CSMD3: variants seen among roughly 807,000 people sequenced by gnomAD.
CSMD3 encodes CUB and Sushi multiple domains 3.
A neutral mutation model predicts 435.2 loss-of-function variants in CSMD3; 177 were observed. The ratio of observed to expected loss-of-function variants is 0.41; its 90% CI spans 0.36 to 0.46. The LOEUF is 0.46. CSMD3 is among the 20% of genes least tolerant of loss of function. The probability of loss-of-function intolerance (pLI) is 0.34; values close to 1 mark genes in which losing one functional copy is unlikely to be tolerated. For missense variants in CSMD3, 4,265 were observed against 4,504.6 expected (o/e 0.95, Z 1.52); for synonymous variants, 1,656 against 1,520.5 (o/e 1.09, Z -2.07).
At position 112,859,174 on chromosome 8, in the gene CSMD3, A is replaced by T. The variant is rs2129857495; in HGVS notation, c.1726T>A (p.Trp576Arg). ...FQYDSNAQCV[W>R]VITAVNTNKV... The stretch of plus-strand genomic sequence containing the variant: ...TTTGTATTCACTGCTGTGATGACCC[A>T]GACACATTGTGCATTGCTGTCATAC... The change falls in exon 11 of 71, where the codon TGG (tryptophan) becomes AGG (arginine). Residue 576 changes from tryptophan (W) to arginine (R), a missense_variant. By Grantham distance (101) the Trp-to-Arg change is moderately radical (BLOSUM62 -3). Coordinates refer to ENST00000297405, the MANE Select transcript of CSMD3 (RefSeq NM_198123.2). 6.2e-7 allele frequency: 1 copy of T among 1,611,206 alleles called. No individual in the cohort carries two copies. Among genetic ancestry groups the T allele is most frequent in the Non-Finnish European group, 8.5e-7 (1 of 1,177,750 alleles).
intron 10 of CSMD3, among the ~76,000 whole-genome samples, chr8:112,869,373 A>G (rs530067556): frequency 6.6e-6 from 1 of 152,254 alleles, no homozygotes; most frequent in South Asian, 2.1e-4. Context: ...GGAATCTATG[A>G]CCCCAAAATA....
At chr8:112,909,245 T>G (rs1020171214) in intron 10 of CSMD3, among the ~76,000 whole-genome samples, 7 of 151,566 alleles carry the variant, frequency 4.6e-5, no homozygotes, top group Non-Finnish European at 1.0e-4. Flanking sequence ...CCAAATTGGT[T>G]CAGAGCATCG....
chr8:112,314,931 C>A (rs1437188841), intron 47 of CSMD3, among the ~76,000 whole-genome samples: 1 of 151,868 alleles, frequency 6.6e-6, no homozygotes, highest in Non-Finnish European at 1.5e-5. Context: ...CTCTCCTAAT[C>A]TTTTGTTCTC....
intron 13 of CSMD3, among the ~76,000 whole-genome samples, chr8:112,715,715 G>C (rs1240405160): frequency 6.6e-6 from 1 of 152,150 alleles, no homozygotes; most frequent in Non-Finnish European, 1.5e-5. Flanking sequence ...ACATCAAAAA[G>C]CGTATCCACC....
intron 13 of CSMD3, among the ~76,000 whole-genome samples, chr8:112,744,325 C>G (rs929180062): frequency 2.6e-5 from 4 of 151,952 alleles, no homozygotes; most frequent in South Asian, 4.1e-4. Flanking sequence ...AATTCCCATG[C>G]CATTTCTGGA....
chr8:112,882,232 CCTTTT>C lies in CSMD3; in HGVS notation c.1634-22971_1634-22967del, dbSNP rs1587566400. On this transcript the variant is annotated intron_variant, in intron 10 of 70. Coordinates refer to ENST00000297405, the MANE Select transcript of CSMD3 (RefSeq NM_198123.2). ...GAGTCTCAAGCAAAAATCTGCCTTT[CCTTTT>C]GTTACTAACCAGCAACAAGATACAA... 1.3e-5 allele frequency among the ~76,000 whole-genome samples: 2 copies of C among 151,896 alleles called. 1 individual carries two copies. Among genetic ancestry groups the C allele is most frequent in the East Asian group, 3.9e-4 (2 of 5,122 alleles).
intron 3 of CSMD3, among the ~76,000 whole-genome samples, chr8:113,271,412 G>A (rs549954213): frequency 6.6e-6 from 1 of 152,248 alleles, no homozygotes. Context: ...ATGCAGCCTA[G>A]GGACTTGGTG....
At chr8:113,421,170 A>G (rs750433845) in intron 1 of CSMD3, among the ~76,000 whole-genome samples, 2 of 152,178 alleles carry the variant, frequency 1.3e-5, no homozygotes, top group Non-Finnish European at 2.9e-5. Flanking sequence ...CAATGAATCC[A>G]GAGTTAAAAT....
intron 57 of CSMD3, 42 bp from the exon 58 acceptor site, chr8:112,287,288 A>T: frequency 6.3e-7 from 1 of 1,598,322 alleles, no homozygotes; most frequent in Non-Finnish European, 8.6e-7. Flanking sequence ...TCCCATAAAC[A>T]TTTATTAAGT....
intron 13 of CSMD3, among the ~76,000 whole-genome samples, chr8:112,718,034 T>C (rs1024735134): frequency 6.6e-6 from 1 of 152,060 alleles, no homozygotes; most frequent in African/African-American, 2.4e-5. Flanking sequence ...ACTTAAGTAA[T>C]AAACCTGCAT....
chr8:113,000,508 A>G (rs2085823368), intron 6 of CSMD3, among the ~76,000 whole-genome samples: 1 of 152,088 alleles, frequency 6.6e-6, no homozygotes, highest in African/African-American at 2.4e-5. Context: ...ATGCACATGT[A>G]TATGTTAATT....
At chr8:112,537,814 A>G (rs1421191458) in intron 27 of CSMD3, among the ~76,000 whole-genome samples, 1 of 152,038 alleles carries the variant, frequency 6.6e-6, no homozygotes, top group Non-Finnish European at 1.5e-5. Context: ...AGAAGACCTA[A>G]TACCAATTCT....
chr8:112,385,907 T>A (rs188818089), intron 36 of CSMD3, among the ~76,000 whole-genome samples: 179 of 145,050 alleles, frequency 1.2e-3, no homozygotes, highest in Non-Finnish European at 1.8e-3. Context: ...TCTGGAGATA[T>A]CAGGTTCTGA....
chr8:113,288,976 C>T (rs1352454719), intron 2 of CSMD3, among the ~76,000 whole-genome samples: 1 of 151,524 alleles, frequency 6.6e-6, no homozygotes, highest in Non-Finnish European at 1.5e-5. Context: ...ATGAACCCAC[C>T]CAAGGTTCAT....
At chr8:113,066,931 A>C (rs1287802168) in intron 5 of CSMD3, among the ~76,000 whole-genome samples, 1 of 152,044 alleles carries the variant, frequency 6.6e-6, no homozygotes, top group Admixed American at 6.6e-5. Context: ...GAATGATGCC[A>C]TTTTGTTTAT....
chr8:112,517,517 C>T (rs1038789578), intron 27 of CSMD3, among the ~76,000 whole-genome samples: 1 of 151,790 alleles, frequency 6.6e-6, no homozygotes, highest in African/African-American at 2.4e-5. Flanking sequence ...TTGTTAGGAA[C>T]ATATCCGCAG....
At chr8:112,810,568 T>C (rs903587071) in intron 12 of CSMD3, among the ~76,000 whole-genome samples, 3 of 152,120 alleles carry the variant, frequency 2.0e-5, no homozygotes, top group Admixed American at 6.6e-5. Flanking sequence ...GTGAAACCTA[T>C]AGGCTTTTTC....
chr8:112,374,142 T>C (rs1020273294), intron 38 of CSMD3, among the ~76,000 whole-genome samples: 3 of 152,204 alleles, frequency 2.0e-5, no homozygotes, highest in Non-Finnish European at 4.4e-5. Context: ...ACTCAATACT[T>C]AGCAAATATT....
intron 22 of CSMD3, among the ~76,000 whole-genome samples, chr8:112,594,434 C>T (rs1040132248): frequency 1.5e-4 from 23 of 152,146 alleles, no homozygotes; most frequent in Non-Finnish European, 2.8e-4. Context: ...GGCAGCCAGG[C>T]TGGGGGAGGG....
Sources: gnomAD v4.1 joint callset for allele counts (sites outside exome capture counted in the v4.1 genomes callset) on GRCh38, gnomAD v4.1.1 for gene constraint, MANE v1.5 for transcripts, NCBI Gene and HGNC (gene_info 2026-07-23, HGNC 2026-07-21) for gene names.